Variants in LYPD6B observed in about 807,000 individuals in gnomAD.
LYPD6B encodes ly6/PLAUR domain-containing protein 6B.
A neutral mutation model predicts 22.8 loss-of-function variants in LYPD6B; 17 were observed. That is an observed-to-expected ratio of 0.75 (90% CI 0.51 to 1.12). LYPD6B has a LOEUF of 1.12. Among genes scored for constraint, LYPD6B ranks in the 50% most tolerant of loss-of-function variants. LYPD6B has a pLI of 0.00. For synonymous variants in LYPD6B, 106 were observed against 91.6 expected, an observed-to-expected ratio of 1.16 and a Z score of -0.90; for missense variants, 221 against 258.3, an observed-to-expected ratio of 0.86 and a Z score of 0.99.
chr2:149,084,491 A>G (rs1235612392), intron 1 of LYPD6B, among the ~76,000 whole-genome samples: 1 of 152,118 alleles, frequency 6.6e-6, no homozygotes, highest in East Asian at 1.9e-4. Context: ...TGGCACCATC[A>G]CATGTCCTGG....
At chr2:149,152,331 G>A (rs1575072549) in intron 2 of LYPD6B, among the ~76,000 whole-genome samples, 1 of 152,200 alleles carries the variant, frequency 6.6e-6, no homozygotes, top group African/African-American at 2.4e-5. Flanking sequence ...GGGTATGTAC[G>A]TAACTAAAGC....
At chr2:149,050,812 G>T (rs1418272706) in intron 1 of LYPD6B, among the ~76,000 whole-genome samples, 1 of 152,132 alleles carries the variant, frequency 6.6e-6, no homozygotes. Context: ...AGCTACAGTT[G>T]TAGTGATAAT....
intron 2 of LYPD6B, among the ~76,000 whole-genome samples, chr2:149,150,707 G>A (rs555037613): frequency 1.3e-5 from 2 of 151,966 alleles, no homozygotes; most frequent in Non-Finnish European, 2.9e-5. Context: ...TCAAACTGGA[G>A]ACTCATGTAC....
At chr2:149,112,429 G>T (rs746739550) in intron 1 of LYPD6B, among the ~76,000 whole-genome samples, 1 of 152,052 alleles carries the variant, frequency 6.6e-6, no homozygotes, top group African/African-American at 2.4e-5. Context: ...TACATAGTAC[G>T]TTTAGGTTAA....
chr2:149,076,185 T>G (rs1440056760), intron 1 of LYPD6B, among the ~76,000 whole-genome samples: 1 of 152,096 alleles, frequency 6.6e-6, no homozygotes, highest in Admixed American at 6.5e-5. Context: ...AGCACTAGAG[T>G]AACTTACTAG....
intron 1 of LYPD6B, 33 bp downstream of exon 1, chr2:149,038,834 T>C (rs1392078259): frequency 6.8e-6 from 1 of 147,990 alleles, no homozygotes; most frequent in Non-Finnish European, 1.5e-5. Flanking sequence ...GCGGGGGCGG[T>C]GGTGGGTTCG....
At chr2:149,193,581 G>C (rs879767927) in intron 3 of LYPD6B, among the ~76,000 whole-genome samples, 1 of 152,072 alleles carries the variant, frequency 6.6e-6, no homozygotes, top group Non-Finnish European at 1.5e-5. Flanking sequence ...GGAAGGTGCA[G>C]GAAAGGGCTT....
intron 2 of LYPD6B, among the ~76,000 whole-genome samples, chr2:149,136,091 C>A (rs1003393525): frequency 1.3e-5 from 2 of 152,124 alleles, no homozygotes; most frequent in African/African-American, 4.8e-5. Flanking sequence ...ATAGCGGCTC[C>A]ATATATGTTT....
chr2:149,095,062 G>A (rs140383370), intron 1 of LYPD6B, among the ~76,000 whole-genome samples: 140 of 152,298 alleles, frequency 9.2e-4, no homozygotes, highest in African/African-American at 3.0e-3. Context: ...TTGGGAGGTC[G>A]AGGTGGGTGG....
chr2:149,214,589 T>A lies in LYPD6B; in HGVS notation c.503T>A (p.Leu168Ter). The change falls in exon 7 of 7, where the codon TTA (leucine) becomes TAA (stop). Residue 168 changes from leucine (L) to a stop codon, truncating the protein, a stop_gained. Coordinates refer to ENST00000409642, the MANE Select transcript of LYPD6B (RefSeq NM_177964.5). LOFTEE classifies it high-confidence loss of function. ...CCEGMICNVE[L>*]PTNHTNAVFA... ...GAAGGAATGATCTGCAATGTAGAATTACCCACCAATCACACTAATGCAGTG... is the reference window on the plus strand; with the variant it reads ...GAAGGAATGATCTGCAATGTAGAATAACCCACCAATCACACTAATGCAGTG... 6.2e-7 allele frequency: 1 copy of A among 1,613,944 alleles called. No individual in the cohort carries two copies. The highest frequency in any genetic ancestry group is 8.5e-7 in the Non-Finnish European group (1 of 1,179,854).
At chr2:149,174,867 G>A (rs1046616234) in intron 3 of LYPD6B, among the ~76,000 whole-genome samples, 4 of 151,772 alleles carry the variant, frequency 2.6e-5, no homozygotes, top group East Asian at 1.9e-4. Flanking sequence ...GATCTGTGCC[G>A]CAAACCACCA....
chr2:149,041,030 A>G (rs1488451792), intron 1 of LYPD6B, among the ~76,000 whole-genome samples: 2 of 152,102 alleles, frequency 1.3e-5, no homozygotes, highest in Admixed American at 6.5e-5. Flanking sequence ...AGACTCCCCA[A>G]AGAAACTGTA....
intron 2 of LYPD6B, among the ~76,000 whole-genome samples, chr2:149,140,382 C>T (rs1273300672): frequency 2.0e-5 from 3 of 152,128 alleles, no homozygotes; most frequent in East Asian, 1.9e-4. Context: ...AGTGGCAGGG[C>T]GAGGAGGCTT....
chr2:149,146,539 T>C (rs1028246608), intron 2 of LYPD6B, among the ~76,000 whole-genome samples: 1 of 152,128 alleles, frequency 6.6e-6, no homozygotes, highest in African/African-American at 2.4e-5. Flanking sequence ...GGAGTTTGCA[T>C]TTGTCTGAGG....
chr2:149,144,970 A>G (rs1046976624), intron 2 of LYPD6B, among the ~76,000 whole-genome samples: 3 of 152,044 alleles, frequency 2.0e-5, no homozygotes, highest in African/African-American at 7.2e-5. Context: ...TTACTATGAA[A>G]TCTACGGATG....
intron 3 of LYPD6B, among the ~76,000 whole-genome samples, chr2:149,191,733 G>A (rs765810062): frequency 5.9e-5 from 9 of 152,140 alleles, no homozygotes; most frequent in Non-Finnish European, 1.2e-4. Context: ...TTTAGAAACT[G>A]GCAATAGAGA....
At chr2:149,209,308 C>T (rs954245101) in intron 5 of LYPD6B, among the ~76,000 whole-genome samples, 2 of 151,976 alleles carry the variant, frequency 1.3e-5, no homozygotes, top group African/African-American at 2.4e-5. Flanking sequence ...TGAGGACTCT[C>T]ATCTTCAGAC....
chr2:149,100,952 G>A (rs1386552601), intron 1 of LYPD6B: 6 of 152,182 alleles, frequency 3.9e-5, no homozygotes, highest in African/African-American at 1.4e-4. Context: ...TCCACCTCTT[G>A]TTGCTGGAAC....
chr2:149,189,834 C>A (rs1692381654), intron 3 of LYPD6B, among the ~76,000 whole-genome samples: 1 of 152,094 alleles, frequency 6.6e-6, no homozygotes. Context: ...CCCCTATGCC[C>A]ACCTCCAAAT....
Sources: allele counts gnomAD v4.1 joint callset (sites outside exome capture counted in the v4.1 genomes callset), GRCh38; gene constraint gnomAD v4.1.1; transcripts MANE v1.5; gene names NCBI Gene and HGNC (gene_info 2026-07-23, HGNC 2026-07-21).